The following AMPD3 variants were observed in gnomAD, a reference collection of about 807,000 sequenced individuals.
The protein encoded by AMPD3 is adenosine monophosphate deaminase 3, also known as AMP deaminase 3.
In AMPD3, 57 loss-of-function variants were observed where a neutral mutation model predicts 82.3. The observed-to-expected ratio is 0.69, with a 90% CI of 0.56 to 0.86. AMPD3 has a LOEUF of 0.86. Ranked by LOEUF, AMPD3 falls within the 40% of genes least tolerant of loss-of-function variation. The probability of loss-of-function intolerance (pLI) is 0.00; values close to 1 mark genes in which losing one functional copy is unlikely to be tolerated. For synonymous variants in AMPD3, 381 were observed against 394.7 expected, an observed-to-expected ratio of 0.97 and a Z score of 0.41; for missense variants, 870 against 1,003.8, an observed-to-expected ratio of 0.87 and a Z score of 1.80.
chr11:10,478,914 C>T (rs762332208), intron 3 of AMPD3, among the ~76,000 whole-genome samples, 184 bp downstream of exon 3: 1 of 149,990 alleles, frequency 6.7e-6, no homozygotes, highest in African/African-American at 2.5e-5. Flanking sequence ...TGTGGTGTCT[C>T]GGTGGCTGCC....
At position 10,506,092 on chromosome 11, in the gene AMPD3, C is replaced by T. The variant is rs1313554449; in HGVS notation, c.*208C>T. The T allele has an allele frequency of 1.6e-6, 1 of 621,630 alleles. No individual in the cohort carries two copies. Among genetic ancestry groups the T allele is most frequent in the Non-Finnish European group, 2.9e-6 (1 of 348,868 alleles). 38.5% of individuals were successfully genotyped at this position (621,630 alleles called of 1,614,324 possible). ...TCTGAGTAACAAGATGGTGACTTCT[C>T]CTTGGGGATCTGGGAGCTGAGCACT... On this transcript the variant is annotated 3_prime_UTR_variant, in exon 15 of 15. Transcript: ENST00000396553. The surrounding 1 kb of genome is among the most constrained non-coding windows in gnomAD (Gnocchi z 4.1).
intron 9 of AMPD3, 22 bp downstream of exon 9, chr11:10,495,755 C>T: frequency 6.2e-7 from 1 of 1,613,738 alleles, no homozygotes; most frequent in South Asian, 1.1e-5. Flanking sequence ...GGCCCGCTGT[C>T]TACCCTGTGC....
At chr11:10,451,813 A>C (rs555285559), upstream of AMPD3, among the ~76,000 whole-genome samples, 29 of 152,322 alleles carry the variant, frequency 1.9e-4, no homozygotes, top group African/African-American at 6.5e-4. Flanking sequence ...GGCCATCTTC[A>C]TGGAAAAGCT....
chr11:10,479,656 T>C (rs981776814), intron 3 of AMPD3, among the ~76,000 whole-genome samples: 1 of 152,258 alleles, frequency 6.6e-6, no homozygotes, highest in Non-Finnish European at 1.5e-5. Flanking sequence ...ATATGGTCTA[T>C]GTACCTACAA....
At chr11:10,477,320 C>A (rs1280558434) in intron 2 of AMPD3, among the ~76,000 whole-genome samples, 1 of 152,160 alleles carries the variant, frequency 6.6e-6, no homozygotes, top group Non-Finnish European at 1.5e-5. Flanking sequence ...GGGCCCATGG[C>A]ACAAGGTAGG....
chr11:10,496,807 C>G lies in AMPD3; in HGVS notation c.1431-5C>G. The G allele has an allele frequency of 3.1e-6, 5 of 1,614,116 alleles. No individual in the cohort carries two copies. The highest frequency in any genetic ancestry group is 1.1e-5 in the South Asian group (1 of 91,076). The stretch of plus-strand genomic sequence containing the variant: ...CCTGACAAGCGAGTCTTTGCTGTCC[C>G]CCAGTGACATATTTAGGTCAAAGAA... On this transcript the variant is annotated splice_polypyrimidine_tract_variant and splice_region_variant and intron_variant, in intron 9 of 14. Transcript: ENST00000396553.
In AMPD3 at chr11:10,487,283, C is replaced by T. The variant is rs776987948; in HGVS notation, c.858C>T (p.Ser286=). The change falls in exon 6 of 15, where the codon AGC becomes AGT. Residue 286 remains serine, a synonymous_variant. Coordinates refer to ENST00000396553, the MANE Select transcript of AMPD3 (RefSeq NM_001025389.2). ...RRLNFLESKF[S]LHEMLNEMSE... The stretch of plus-strand genomic sequence containing the variant: ...TGAACTTTCTGGAATCCAAGTTCAG[C>T]CTTCATGAGATGTTAAACGAAATGT... 1.9e-6 allele frequency: 3 copies of T among 1,614,138 alleles called. No homozygotes were observed. In the Admixed American group the frequency reaches 5.0e-5, roughly 27 times the overall value.
At chr11:10,498,819 T>C (rs1849494967) in intron 10 of AMPD3, among the ~76,000 whole-genome samples, 1 of 152,202 alleles carries the variant, frequency 6.6e-6, no homozygotes, top group Non-Finnish European at 1.5e-5. Flanking sequence ...CAGAGGCCCC[T>C]TTGCAAAGCA....
chr11:10,469,912 C>T (rs998814822), intron 2 of AMPD3, among the ~76,000 whole-genome samples: 18 of 146,376 alleles, frequency 1.2e-4, no homozygotes, highest in South Asian at 4.2e-4. Context: ...TAGTGGCGGG[C>T]GCCTGTAGTC....
In AMPD3 at chr11:10,467,802, G is replaced by A. The variant is rs551898060; in HGVS notation, c.221+6062G>A. Among the ~76,000 whole-genome samples, 10 of 152,272 alleles carry A rather than the reference G, an allele frequency of 6.6e-5. No individual in the cohort carries two copies. The South Asian group carries it at 2.1e-3, about 32-fold the overall frequency. The stretch of plus-strand genomic sequence containing the variant: ...GCTACCCACAAAGAGAAGCCCATCA[G>A]ACTAACAGCAGATCTCTCTGCAGAA... On this transcript the variant is annotated intron_variant, in intron 2 of 14. Coordinates refer to ENST00000396553, the MANE Select transcript of AMPD3 (RefSeq NM_001025389.2).
chr11:10,471,596 C>A (rs944624643), intron 2 of AMPD3, among the ~76,000 whole-genome samples: 1 of 152,180 alleles, frequency 6.6e-6, no homozygotes, highest in South Asian at 2.1e-4. Context: ...AGAACTTAAA[C>A]AAATTTACAA....
At chr11:10,480,485 C>T (rs1254914938) in intron 3 of AMPD3, among the ~76,000 whole-genome samples, 1 of 138,610 alleles carries the variant, frequency 7.2e-6, no homozygotes, top group Non-Finnish European at 1.7e-5. Context: ...GGAGAATCTA[C>T]CATCGTAACA....
rs758975750 is a variant in AMPD3 at position 10,489,679 on chromosome 11, GTC to G, written c.939+2321_939+2322del. 5.6e-4 allele frequency among the ~76,000 whole-genome samples: 84 copies of G among 150,068 alleles called. 1 individual carries two copies. The highest frequency in any genetic ancestry group is 9.8e-4 in the Non-Finnish European group (66 of 67,670). ...GGTGCTGCCTACTTGATAGCACTCT[GTC>G]TCTCTTTTTTTTTTTTGAGATGAAG... On this transcript the variant is annotated intron_variant, in intron 6 of 14. Coordinates refer to ENST00000396553, the MANE Select transcript of AMPD3 (RefSeq NM_001025389.2).
chr11:10,501,011 G>A, intron 11 of AMPD3: 1 of 985,416 alleles, frequency 1.0e-6, no homozygotes. Context: ...GCAGTCCTGG[G>A]CTGAGCTTTT....
rs758804914 is a variant in AMPD3 at position 10,501,488 on chromosome 11, G to A, written c.1740G>A (p.Thr580=). ...CTTACAGGGAGCGCGGCCTGAGCACGTTCCTGTTCCGGCCGCACTGTGGGG... is the reference window on the plus strand; with the variant it reads ...CTTACAGGGAGCGCGGCCTGAGCACATTCCTGTTCCGGCCGCACTGTGGGG... ...NNLRRERGLS[T]FLFRPHCGEA... is the part of the protein sequence containing the mutation. Residue 580 remains threonine (T), a synonymous_variant, in exon 12 of 15, where the codon ACG becomes ACA. Coordinates refer to ENST00000396553, the MANE Select transcript of AMPD3 (RefSeq NM_001025389.2). The A allele has an allele frequency of 3.7e-6, 6 of 1,614,020 alleles. No individual in the cohort carries two copies. The highest frequency in any genetic ancestry group is 2.2e-5 in the East Asian group (1 of 44,892).
At chr11:10,469,856 C>T (rs1165568683) in intron 2 of AMPD3, among the ~76,000 whole-genome samples, 7 of 151,916 alleles carry the variant, frequency 4.6e-5, no homozygotes, top group East Asian at 1.9e-4. Flanking sequence ...CGGCTAAAAA[C>T]GGTGAAACCC....
In AMPD3 at chr11:10,494,884, G is replaced by A; in HGVS notation, c.1135-15G>A. 6.2e-7 allele frequency: 1 copy of A among 1,610,658 alleles called. No individual in the cohort carries two copies. The highest frequency in any genetic ancestry group is 8.5e-7 in the Non-Finnish European group (1 of 1,177,040). On this transcript the variant is annotated splice_polypyrimidine_tract_variant and intron_variant, in intron 7 of 14. Coordinates refer to ENST00000396553, the MANE Select transcript of AMPD3 (RefSeq NM_001025389.2). ...TGCAGAACGATGCGTTGATTGGTGT[G>A]GTCTCCCCCCTCAGGGCCGGCAGAC...
chr11:10,486,074 A>T (rs945163444), intron 5 of AMPD3, among the ~76,000 whole-genome samples: 1 of 152,160 alleles, frequency 6.6e-6, no homozygotes, highest in Non-Finnish European at 1.5e-5. Flanking sequence ...CTGAGGGCAG[A>T]ACTAAGGCAT....
chr11:10,460,977 G>A, intron 1 of AMPD3: 1 of 985,434 alleles, frequency 1.0e-6, no homozygotes, highest in Non-Finnish European at 1.2e-6. Context: ...AACTGCAATA[G>A]CAGATTCTTT....
Sources: gnomAD v4.1 joint callset for allele counts (sites outside exome capture counted in the v4.1 genomes callset) on GRCh38, gnomAD v4.1.1 for gene constraint, Gnocchi (gnomAD v3.1) non-coding constraint, MANE v1.5 for transcripts, NCBI Gene and HGNC (gene_info 2026-07-23, HGNC 2026-07-21) for gene names.